Variants in ING2 observed in about 807,000 individuals in gnomAD.
ING2 encodes the protein inhibitor of growth family member 2, also known as inhibitor of growth protein 2.
Under a neutral mutation model 30.6 loss-of-function variants are expected in ING2, and 7 were observed. The ratio of observed to expected loss-of-function variants is 0.23; its 90% CI spans 0.13 to 0.43. The LOEUF (loss-of-function observed/expected upper bound fraction) is 0.43. Among genes scored for constraint, ING2 ranks in the 20% least tolerant of loss-of-function variants. The probability of loss-of-function intolerance (pLI) is 1.00; values close to 1 mark genes in which losing one functional copy is unlikely to be tolerated. For synonymous variants in ING2, 136 were observed against 121.7 expected, an observed-to-expected ratio of 1.12 and a Z score of -0.78; for missense variants, 239 against 334.9, an observed-to-expected ratio of 0.71 and a Z score of 2.24.
At chr4:183,507,388 A>G (rs1377167299) in intron 1 of ING2, among the ~76,000 whole-genome samples, 1 of 152,256 alleles carries the variant, frequency 6.6e-6, no homozygotes, top group African/African-American at 2.4e-5. Context: ...GGCGTGAGCC[A>G]CCGCGCCCAG....
rs1734600776 is a variant in ING2, at chr4:183,505,122, G to A, written c.-74G>A. ...GCGGCGCCGGGCTGCTGAGCTGAGGGCCCGCGGCGGCCGCGGCCGGTGCAT... is the reference window on the plus strand; with the variant it reads ...GCGGCGCCGGGCTGCTGAGCTGAGGACCCGCGGCGGCCGCGGCCGGTGCAT... On this transcript the variant is annotated 5_prime_UTR_variant, in exon 1 of 2. Transcript: ENST00000302327. The A allele has an allele frequency of 2.5e-5, 35 of 1,426,156 alleles. No homozygotes were observed. The South Asian group carries it at 4.5e-4, about 18-fold the overall frequency. The allele number at this position is 1,426,156 out of a possible 1,614,324, so 88.3% of individuals were successfully genotyped here. A position where few individuals can be genotyped will look rare whatever the true frequency, so the allele number is the denominator to read the frequency against.
Position 183,511,381 on chromosome 4 carries a change from A to G in ING2, c.*429A>G, listed in dbSNP as rs184169908. On this transcript the variant is annotated 3_prime_UTR_variant, in exon 2 of 2. Coordinates refer to ENST00000302327, the MANE Select transcript of ING2 (RefSeq NM_001564.4). ...TTGGGTACTTTAAAATACAGACACT[A>G]TGCCATTTGAGCTGCTTTTTCCCTA... is the stretch of plus-strand genomic sequence containing the variant. 1.4e-4 allele frequency among the ~76,000 whole-genome samples: 22 copies of G among 152,350 alleles called. No homozygotes were observed. The highest frequency in any genetic ancestry group is 1.9e-4 in the African/African-American group (8 of 41,576).
At position 183,505,092 on chromosome 4, in the gene ING2, T is replaced by C. The variant is rs2111081822; in HGVS notation, c.-104T>C. 8.7e-7 allele frequency: 1 copy of C among 1,143,926 alleles called. No homozygotes were observed. The highest frequency in any genetic ancestry group is 1.1e-6 in the Non-Finnish European group (1 of 890,188). The allele number at this position is 1,143,926 out of a possible 1,614,324, so 70.9% of individuals were successfully genotyped here. ...CGTGCCCTCTCGAGCGGCTGCGGGGTCCCCGCGGCGCCGGGCTGCTGAGCT... is the reference window on the plus strand; with the variant it reads ...CGTGCCCTCTCGAGCGGCTGCGGGGCCCCCGCGGCGCCGGGCTGCTGAGCT... On this transcript the variant is annotated 5_prime_UTR_variant, in exon 1 of 2. Coordinates refer to ENST00000302327, the MANE Select transcript of ING2 (RefSeq NM_001564.4).
intron 1 of ING2, among the ~76,000 whole-genome samples, 156 bp downstream of exon 1, chr4:183,505,523 G>A (rs1471619272): frequency 1.3e-5 from 2 of 152,030 alleles, no homozygotes; most frequent in Non-Finnish European, 2.9e-5. Flanking sequence ...GCGGCCCTCC[G>A]TGGCCCCGCG....
Position 183,512,157 on chromosome 4 carries a change from C to T in ING2, c.*1205C>T, listed in dbSNP as rs75724647. 0.05 allele frequency among the ~76,000 whole-genome samples: 7,587 copies of T among 151,946 alleles called. 632 individuals carry two copies. Among genetic ancestry groups the T allele is most frequent in the African/African-American group, 0.17 (7,171 of 41,428 alleles). On this transcript the variant is annotated 3_prime_UTR_variant, in exon 2 of 2. Transcript: ENST00000302327. Reference sequence around the variant, plus strand: ...ACTAGTTCTTTAAATCTGTGTGTAACGTATGTTTTATTCCTCATTTCTTCC... The same window carrying T: ...ACTAGTTCTTTAAATCTGTGTGTAATGTATGTTTTATTCCTCATTTCTTCC...
intron 1 of ING2, chr4:183,506,141 C>G (rs962326429): frequency 1.6e-6 from 2 of 1,250,184 alleles, no homozygotes; most frequent in South Asian, 1.3e-5. Context: ...GCGAGAGGGG[C>G]GGTGGCGAGC....
intron 1 of ING2, among the ~76,000 whole-genome samples, chr4:183,509,017 G>A (rs1177001979): frequency 1.3e-5 from 2 of 152,156 alleles, no homozygotes; most frequent in African/African-American, 4.8e-5. Context: ...TGACTTTATT[G>A]TAATTTTGTT....
In ING2 at chr4:183,510,658, C is replaced by T. The variant is rs1158400735; in HGVS notation, c.549C>T (p.Ser183=). ...ATCAGCCACCTAAAGAAAAGAAATC[C>T]AAGTCAGCAAAGAAAAAGAAACGCT... The part of the protein sequence containing the change: ...CDDQPPKEKK[S]KSAKKKKRSK... The change falls in exon 2 of 2, where the codon TCC becomes TCT. Residue 183 remains serine (S), a synonymous_variant. Coordinates refer to ENST00000302327, the MANE Select transcript of ING2 (RefSeq NM_001564.4). The T allele has an allele frequency of 1.9e-6, 3 of 1,613,916 alleles. No homozygotes were observed. Among genetic ancestry groups the T allele is most frequent in the Non-Finnish European group, 2.5e-6 (3 of 1,179,992 alleles).
At position 183,505,183 on chromosome 4, in the gene ING2, G is replaced by A. The variant is rs1211216503; in HGVS notation, c.-13G>A. The A allele has an allele frequency of 5.0e-5, 79 of 1,591,452 alleles. No homozygotes were observed. Among genetic ancestry groups the A allele is most frequent in the Non-Finnish European group, 6.1e-5 (71 of 1,171,232 alleles). ...TGGATGCGGAGGCGGCGGCGACGGC[G>A]CGGATCGGCAGGATGTTAGGGCAGC... On this transcript the variant is annotated 5_prime_UTR_variant, in exon 1 of 2. Transcript: ENST00000302327.
chr4:183,507,946 A>C (rs953605287), intron 1 of ING2, among the ~76,000 whole-genome samples: 1 of 152,162 alleles, frequency 6.6e-6, no homozygotes, highest in Non-Finnish European at 1.5e-5. Context: ...TTTTTATTCT[A>C]GTGTTCCCAC....
chr4:183,507,173 T>TC (rs908101903), intron 1 of ING2, among the ~76,000 whole-genome samples: 2 of 152,204 alleles, frequency 1.3e-5, no homozygotes, highest in African/African-American at 4.8e-5. Context: ...CGATCTTAGC[T>TC]CCCTGCAACC....
intron 1 of ING2, chr4:183,506,425 G>T (rs983286370): frequency 6.1e-6 from 5 of 821,288 alleles, no homozygotes; most frequent in Non-Finnish European, 9.0e-6. Flanking sequence ...CTTTAAGTGT[G>T]GAGGCGAAAC....
intron 1 of ING2, among the ~76,000 whole-genome samples, chr4:183,507,338 G>T (rs1734675726): frequency 2.0e-5 from 3 of 152,266 alleles, no homozygotes; most frequent in East Asian, 1.9e-4. Context: ...TGACCTCAGG[G>T]GACCCGCCCG....
intron 1 of ING2, 71 bp from the exon 2 acceptor site, chr4:183,510,211 A>G: frequency 1.8e-6 from 2 of 1,132,762 alleles, no homozygotes; most frequent in Admixed American, 4.7e-5. Context: ...TTCTGTAAAA[A>G]ATAACTACCT....
rs1734813840 is a variant in ING2, at chr4:183,511,156, A to C, written c.*204A>C. The C allele has an allele frequency of 6.5e-6, 3 of 461,928 alleles. No homozygotes were observed. The highest frequency in any genetic ancestry group is 1.1e-5 in the Non-Finnish European group (3 of 262,478). 28.6% of individuals were successfully genotyped at this position (461,928 alleles called of 1,614,324 possible). On this transcript the variant is annotated 3_prime_UTR_variant, in exon 2 of 2. Transcript: ENST00000302327. Reference sequence around the variant, plus strand: ...ATATTTCCAACCAGGTAGTCTTCAGATCACCTGATGAAAGGAGCAGGGAAC... The same window carrying C: ...ATATTTCCAACCAGGTAGTCTTCAGCTCACCTGATGAAAGGAGCAGGGAAC...
Position 183,510,421 on chromosome 4 carries a change from T to C in ING2, c.312T>C (p.Val104=). The change falls in exon 2 of 2, where the codon GTT becomes GTC. Residue 104 remains valine, a synonymous_variant. Transcript: ENST00000302327. ...TGGGAGATGAAAAAATACAGATTGT[T>C]ACACAAATGCTCGAATTGGTGGAAA... The part of the protein sequence containing the change: ...QELGDEKIQI[V]TQMLELVENR... 1 of 1,614,168 alleles carries C rather than the reference T, an allele frequency of 6.2e-7. No homozygotes were observed. The highest frequency in any genetic ancestry group is 8.5e-7 in the Non-Finnish European group (1 of 1,180,030).
intron 1 of ING2, among the ~76,000 whole-genome samples, chr4:183,506,505 C>G (rs1053280357): frequency 1.3e-5 from 2 of 152,180 alleles, no homozygotes; most frequent in African/African-American, 2.4e-5. Flanking sequence ...CACCTACTAT[C>G]GGTGGTGCTA....
chr4:183,505,701 G>A (rs974160046), intron 1 of ING2, among the ~76,000 whole-genome samples: 2 of 151,776 alleles, frequency 1.3e-5, no homozygotes, highest in African/African-American at 4.8e-5. Flanking sequence ...TGCGGCCCCG[G>A]CCCGGGACTG....
At chr4:183,505,508 G>C (rs1257079253) in intron 1 of ING2, 141 bp downstream of exon 1, 7 of 856,652 alleles carry the variant, frequency 8.2e-6, no homozygotes, top group African/African-American at 3.6e-5. Flanking sequence ...CTGGAGACCG[G>C]GTTGGCGGCC....
Sources: allele counts gnomAD v4.1 joint callset (sites outside exome capture counted in the v4.1 genomes callset), GRCh38; gene constraint gnomAD v4.1.1; transcripts MANE v1.5; gene names NCBI Gene and HGNC (gene_info 2026-07-23, HGNC 2026-07-21).